The following TONSL variants were observed in gnomAD, a reference collection of about 807,000 sequenced individuals.
TONSL encodes tonsoku-like protein.
A neutral mutation model predicts 147.1 loss-of-function variants in TONSL; 112 were observed. The observed-to-expected ratio is 0.76, with a 90% CI of 0.65 to 0.89. The LOEUF is 0.89. TONSL is among the 40% of genes least tolerant of loss of function. The probability of loss-of-function intolerance (pLI) is 0.00; values close to 1 mark genes in which losing one functional copy is unlikely to be tolerated. For missense variants in TONSL, 1,883 were observed against 1,864.6 expected (o/e 1.01, Z -0.18); for synonymous variants, 868 against 801.5 (o/e 1.08, Z -1.40).
chr8:144,441,325 G>A, intron 7 of TONSL: 1 of 644,220 alleles, frequency 1.6e-6, no homozygotes, highest in Non-Finnish European at 2.6e-6. Context: ...AGGTACAGTG[G>A]CTCACGCCTG....
chr8:144,442,679 C>G lies in TONSL; in HGVS notation c.576G>C (p.Ala192=). The part of the protein sequence containing the change: ...NDYFRKSIFL[A]EQNHLYEDLF... ...CCTGGGGCGGGGCAGGGCCTTACTCCGCAAGGAAGATGCTCTTCCTGAAGT... is the reference window on the plus strand; with the variant it reads ...CCTGGGGCGGGGCAGGGCCTTACTCGGCAAGGAAGATGCTCTTCCTGAAGT... Residue 192 remains alanine (A), a splice_region_variant and synonymous_variant, in exon 5 of 26, where the codon GCG becomes GCC. Coordinates refer to ENST00000409379, the MANE Select transcript of TONSL (RefSeq NM_013432.5). 1 of 1,612,446 alleles carries G rather than the reference C, an allele frequency of 6.2e-7. No homozygotes were observed. Among genetic ancestry groups the G allele is most frequent in the Non-Finnish European group, 8.5e-7 (1 of 1,179,732 alleles).
In TONSL at chr8:144,442,390, G is replaced by T; in HGVS notation, c.601C>A (p.Leu201Ile). 6.4e-7 allele frequency: 1 copy of T among 1,562,278 alleles called. No homozygotes were observed. The highest frequency in any genetic ancestry group is 8.7e-7 in the Non-Finnish European group (1 of 1,151,062). Residue 201 changes from leucine to isoleucine, a missense_variant, in exon 6 of 26, where the codon CTA becomes ATA. Transcript: ENST00000409379. ...LAEQNHLYED[L>I]FRARYNLGTI... ...CCCAGGTTGTAGCGGGCGCGGAATA[G>T]GTCCTCGTAAAGGTGGTTCTGCCTG...
At position 144,434,226 on chromosome 8, in the gene TONSL, A is replaced by G; in HGVS notation, c.3139T>C (p.Phe1047Leu). 1.9e-6 allele frequency: 3 copies of G among 1,550,612 alleles called. No individual in the cohort carries two copies. The South Asian group carries it at 3.6e-5, about 19-fold the overall frequency. Residue 1047 changes from phenylalanine to leucine, a missense_variant, in exon 21 of 26, where the codon TTC becomes CTC. Phe to Leu is a conservative substitution (Grantham distance 22). Coordinates refer to ENST00000409379, the MANE Select transcript of TONSL (RefSeq NM_013432.5). ...AVELQGLGLS[F>L]SACSLALDQA... ...TCCAGGGCCAGGGAGCAGGCGCTGAACGAGAGGCCCAAGCCCTGGAGCTCC... is the reference window on the plus strand; with the variant it reads ...TCCAGGGCCAGGGAGCAGGCGCTGAGCGAGAGGCCCAAGCCCTGGAGCTCC...
intron 7 of TONSL, chr8:144,441,473 T>A: frequency 4.5e-6 from 1 of 224,242 alleles, no homozygotes; most frequent in Non-Finnish European, 9.0e-6. Context: ...GCACCTGTAG[T>A]CCCAGCTACT....
chr8:144,444,322 C>T, intron 1 of TONSL, 47 bp from the exon 2 acceptor site: 2 of 1,333,830 alleles, frequency 1.5e-6, no homozygotes, highest in Non-Finnish European at 9.6e-7. Context: ...GGGTCCGGGG[C>T]CGGGGCCGAG....
In TONSL at chr8:144,436,178, G is replaced by A; in HGVS notation, c.2255C>T (p.Pro752Leu). The change falls in exon 17 of 26, where the codon CCC becomes CTC. Residue 752 changes from proline (P) to leucine (L), a missense_variant. Transcript: ENST00000409379. ...SSSEGEDSAGPARPSQKRPRC... is the reference protein window; with the variant it reads ...SSSEGEDSAGLARPSQKRPRC... ...AGGCCTCTTCTGGGACGGCCGTGCG[G>A]GGCCTGCGCTGTCCTCGCCTTCTGA... 6.3e-7 allele frequency: 1 copy of A among 1,575,982 alleles called. No homozygotes were observed. Among genetic ancestry groups the A allele is most frequent in the Non-Finnish European group, 8.6e-7 (1 of 1,166,108 alleles).
chr8:144,442,067 T>G lies in TONSL; in HGVS notation c.835A>C (p.Arg279=). ...YRLGSQKPVQ[R]AAICQNLQHV... The stretch of plus-strand genomic sequence containing the variant: ...TGGAGGTTCTGACAGATGGCTGCCC[T>G]CTGCACAGGCTTCTGGGAGCCCAGC... Residue 279 remains arginine, a synonymous_variant, in exon 7 of 26, where the codon AGG becomes CGG. Transcript: ENST00000409379. 6.2e-7 allele frequency: 1 copy of G among 1,612,826 alleles called. No homozygotes were observed. Among genetic ancestry groups the G allele is most frequent in the African/African-American group, 1.3e-5 (1 of 75,046 alleles).
At chr8:144,440,915 G>A in intron 8 of TONSL, 45 bp from the exon 9 acceptor site, 1 of 1,612,658 alleles carries the variant, frequency 6.2e-7, no homozygotes, top group Non-Finnish European at 8.5e-7. Flanking sequence ...CCCTGGCCAG[G>A]CCTCGTCAAC....
chr8:144,443,681 G>A (rs2620660), intron 3 of TONSL, among the ~76,000 whole-genome samples: 10,542 of 152,264 alleles, frequency 0.069, 1,232 homozygotes, highest in African/African-American at 0.24. Flanking sequence ...CTGGTGCCAG[G>A]AAACCTACTC....
At chr8:144,433,486 G>A in intron 22 of TONSL, 102 bp downstream of exon 22, 1 of 1,156,856 alleles carries the variant, frequency 8.6e-7, no homozygotes, top group South Asian at 1.4e-5. Context: ...TGGGACCACA[G>A]GTGTTGCCCC....
At chr8:144,441,886 C>T in intron 7 of TONSL, 151 bp downstream of exon 7, 6 of 616,292 alleles carry the variant, frequency 9.7e-6, no homozygotes, top group South Asian at 2.0e-5. Flanking sequence ...GGTACCTGCC[C>T]CTCTTGCTGA....
chr8:144,434,637 G>A (rs1238309220), intron 20 of TONSL, among the ~76,000 whole-genome samples, 174 bp downstream of exon 20: 1 of 152,144 alleles, frequency 6.6e-6, no homozygotes, highest in Non-Finnish European at 1.5e-5. Context: ...GGGGGCTGAG[G>A]GCTGTCCTCT....
rs558578623 is a variant in TONSL, at chr8:144,442,350, C to T, written c.641G>A (p.Arg214His). Residue 214 changes from arginine to histidine, a missense_variant, in exon 6 of 26, where the codon CGC (arginine) becomes CAC (histidine). Transcript: ENST00000409379. ...CATAGCCTGGGAGTGCTGGCCCGCG[C>T]GCCAGTGGATGGTGCCCAGGTTGTA... is the stretch of plus-strand genomic sequence containing the variant. Reference protein sequence around the residue: ...ARYNLGTIHWRAGQHSQAMRC... With the variant: ...ARYNLGTIHWHAGQHSQAMRC... 5.8e-5 allele frequency: 93 copies of T among 1,591,122 alleles called. No homozygotes were observed. The highest frequency in any genetic ancestry group is 8.0e-5 in the African/African-American group (6 of 74,640).
rs545316456 is a variant in TONSL, at chr8:144,439,588, G to T, written c.1480+433C>A. Among the ~76,000 whole-genome samples the T allele has an allele frequency of 1.8e-4, 28 of 152,302 alleles. No homozygotes were observed. In the South Asian group the frequency reaches 5.8e-3, roughly 32 times the overall value. On this transcript the variant is annotated intron_variant, in intron 11 of 25. Coordinates refer to ENST00000409379, the MANE Select transcript of TONSL (RefSeq NM_013432.5). ...CTGCACCACGGCCAAGATGGCTTCA[G>T]TCCAAGCCCCGCTCCAGCCAGTCCC...
At chr8:144,429,367 CTGCGGGGGCCGGCGGCGTCCTGG>C in intron 25 of TONSL, 31 bp from the exon 26 acceptor site, 4 of 1,372,972 alleles carry the variant, frequency 2.9e-6, no homozygotes, top group Non-Finnish European at 3.8e-6. Flanking sequence ...GACCTCAGCG[CTGCGGGGGCCGGCGGCGTCCTGG>C]TGCCCGCGGC....
At chr8:144,441,861 C>A (rs1823731215) in intron 7 of TONSL, 176 bp downstream of exon 7, 1 of 584,366 alleles carries the variant, frequency 1.7e-6, no homozygotes, top group South Asian at 2.1e-5. Flanking sequence ...GGGTCTTCTC[C>A]TGTCAGGAAG....
At position 144,429,135 on chromosome 8, in the gene TONSL, C is replaced by G; in HGVS notation, c.*8G>C. On this transcript the variant is annotated 3_prime_UTR_variant, in exon 26 of 26. Transcript: ENST00000409379. ...CTTCGGTGAGGGTGGGGAAAGGCAG[C>G]GCCAGGGTCAGAGGCGCCGAAAGAA... The G allele has an allele frequency of 2.0e-6, 3 of 1,516,336 alleles. No homozygotes were observed. In the South Asian group the frequency reaches 3.6e-5, roughly 18 times the overall value. 93.9% of individuals were successfully genotyped at this position (1,516,336 alleles called of 1,614,324 possible).
At chr8:144,441,968 A>G in intron 7 of TONSL, 69 bp downstream of exon 7, 1 of 1,381,932 alleles carries the variant, frequency 7.2e-7, no homozygotes, top group Non-Finnish European at 1.0e-6. Flanking sequence ...ACCTGGCGGG[A>G]CTCCACCCCG....
At chr8:144,434,772 A>C in intron 20 of TONSL, 39 bp downstream of exon 20, 1 of 1,602,390 alleles carries the variant, frequency 6.2e-7, no homozygotes. Context: ...ACCCCCTTGT[A>C]CGACCTCACC....
Sources: allele counts gnomAD v4.1 joint callset (sites outside exome capture counted in the v4.1 genomes callset), GRCh38; gene constraint gnomAD v4.1.1; transcripts MANE v1.5; gene names NCBI Gene and HGNC (gene_info 2026-07-23, HGNC 2026-07-21).